Variants in SPRR2G observed in about 807,000 individuals in gnomAD.
The protein encoded by SPRR2G is small proline-rich protein 2G.
In SPRR2G, 1 loss-of-function variant was observed where a neutral mutation model predicts 0.7. The ratio of observed to expected loss-of-function variants is 1.49; its 90% confidence interval spans 0.53 to 7.06. The LOEUF is 7.06. Among genes scored for constraint, SPRR2G ranks in the 30% most tolerant of loss-of-function variants. The probability of loss-of-function intolerance (pLI) is 0.14; values close to 1 mark genes in which losing one functional copy is unlikely to be tolerated. For missense variants in SPRR2G, 96 were observed against 88.5 expected (o/e 1.09, Z -0.34); for synonymous variants, 38 against 33.9 (o/e 1.12, Z -0.42).
At chr1:153,198,400 G>A in the SPRR2G span, among the ~76,000 whole-genome samples, 1 of 152,158 alleles carries the variant, frequency 6.6e-6, no homozygotes, top group Non-Finnish European at 1.5e-5. Flanking sequence ...TTGAATTAGT[G>A]GTGAGACTCT....
At chr1:153,191,481 A>G in the SPRR2G span, 4 of 152,226 alleles carry the variant, frequency 2.6e-5, no homozygotes, top group African/African-American at 9.7e-5. Flanking sequence ...ACATCTATTG[A>G]TATTTCTTGT....
chr1:153,195,850 A>T, the SPRR2G span, among the ~76,000 whole-genome samples: 6 of 151,440 alleles, frequency 4.0e-5, no homozygotes, highest in Admixed American at 3.3e-4. Flanking sequence ...CACCCTGAGC[A>T]CCCCACAGCC....
the SPRR2G span, among the ~76,000 whole-genome samples, chr1:153,189,276 A>G: frequency 6.6e-6 from 1 of 151,876 alleles, no homozygotes; most frequent in Non-Finnish European, 1.5e-5. Context: ...TTTATTGACT[A>G]CTCTCTTTGA....
the SPRR2G span, among the ~76,000 whole-genome samples, chr1:153,161,091 TG>T: frequency 0.017 from 1,866 of 107,342 alleles, 56 homozygotes; most frequent in East Asian, 0.14. Context: ...GGGCCTGTTG[TG>T]GGGTGGGGGG....
chr1:153,182,974 TG>T, the SPRR2G span, among the ~76,000 whole-genome samples: 1 of 152,020 alleles, frequency 6.6e-6, no homozygotes, highest in Non-Finnish European at 1.5e-5. Flanking sequence ...TCTTCCACAA[TG>T]GTTAAGCTAA....
At chr1:153,185,733 A>C in the SPRR2G span, among the ~76,000 whole-genome samples, 1 of 152,016 alleles carries the variant, frequency 6.6e-6, no homozygotes, top group African/African-American at 2.4e-5. Flanking sequence ...GTCAGATCTT[A>C]GTTACTTCTT....
At chr1:153,157,529 C>T in the SPRR2G span, among the ~76,000 whole-genome samples, 1 of 152,098 alleles carries the variant, frequency 6.6e-6, no homozygotes, top group Non-Finnish European at 1.5e-5. Flanking sequence ...TTAATATACA[C>T]ATCTGGATGA....
chr1:153,168,506 T>G, the SPRR2G span, among the ~76,000 whole-genome samples: 5 of 152,186 alleles, frequency 3.3e-5, no homozygotes, highest in Admixed American at 1.3e-4. Context: ...CTGTTATTAT[T>G]TTTATCATAA....
the SPRR2G span, among the ~76,000 whole-genome samples, chr1:153,195,370 G>A: frequency 2.6e-4 from 40 of 152,296 alleles, no homozygotes; most frequent in African/African-American, 9.4e-4. Context: ...GCAAGGATTG[G>A]ACACGTGGGC....
rs747031854 is a variant in SPRR2G at position 153,149,900 on chromosome 1, T to C, written c.211A>G (p.Lys71Glu). 3.7e-6 allele frequency: 6 copies of C among 1,614,092 alleles called. No individual in the cohort carries two copies. Among genetic ancestry groups the C allele is most frequent in the Non-Finnish European group, 2.5e-6 (3 of 1,180,012 alleles). Residue 71 changes from lysine (K) to glutamate (E), a missense_variant, in exon 2 of 2, where the codon AAG (lysine) becomes GAG (glutamate). By Grantham distance (56) the Lys-to-Glu change is moderately conservative (BLOSUM62 1). Coordinates refer to ENST00000368748, the MANE Select transcript of SPRR2G (RefSeq NM_001014291.4). ...YPPCQQKYPP[K>E]SK is the part of the protein sequence containing the mutation. ...GAATTCTAGTGATGTTACTTGCTCT[T>C]GGGTGGATACTTCTGCTGGCAGGGT...
chr1:153,162,718 C>T, the SPRR2G span, among the ~76,000 whole-genome samples: 1 of 152,156 alleles, frequency 6.6e-6, no homozygotes, highest in African/African-American at 2.4e-5. Flanking sequence ...AGACTTCCAG[C>T]TCATATCAGA....
chr1:153,166,712 A>T, the SPRR2G span, among the ~76,000 whole-genome samples: 1 of 152,202 alleles, frequency 6.6e-6, no homozygotes, highest in Non-Finnish European at 1.5e-5. Flanking sequence ...CTCCCATATT[A>T]GCCCACATTA....
chr1:153,183,067 TC>T, the SPRR2G span, among the ~76,000 whole-genome samples: 1 of 150,676 alleles, frequency 6.6e-6, no homozygotes, highest in Non-Finnish European at 1.5e-5. Context: ...ACTTTTTTTT[TC>T]TTTTTTTTTT....
At chr1:153,200,795 G>A in the SPRR2G span, among the ~76,000 whole-genome samples, 1 of 151,646 alleles carries the variant, frequency 6.6e-6, no homozygotes, top group East Asian at 1.9e-4. Context: ...TGCCTCCCAG[G>A]TTCAAGCGAT....
At chr1:153,182,905 T>C in the SPRR2G span, among the ~76,000 whole-genome samples, 1 of 152,114 alleles carries the variant, frequency 6.6e-6, no homozygotes. Flanking sequence ...ATACCAGTAA[T>C]GGGATTGCTG....
chr1:153,197,734 G>A, the SPRR2G span, among the ~76,000 whole-genome samples: 1 of 152,002 alleles, frequency 6.6e-6, no homozygotes, highest in Non-Finnish European at 1.5e-5. Context: ...GCAGGGTGGG[G>A]GTCCAGAGCA....
the SPRR2G span, among the ~76,000 whole-genome samples, chr1:153,197,707 G>A: frequency 6.6e-6 from 1 of 152,238 alleles, no homozygotes; most frequent in East Asian, 1.9e-4. Flanking sequence ...GTTCAGAGAT[G>A]GTATCTCTTA....
chr1:153,198,601 C>A, the SPRR2G span, among the ~76,000 whole-genome samples: 1 of 151,976 alleles, frequency 6.6e-6, no homozygotes, highest in Admixed American at 6.6e-5. Flanking sequence ...GAGTAGGAAG[C>A]AAGAGTCTGG....
At chr1:153,192,471 C>G in the SPRR2G span, among the ~76,000 whole-genome samples, 10 of 152,192 alleles carry the variant, frequency 6.6e-5, no homozygotes, top group East Asian at 1.4e-3. Context: ...ATTTCAAGAA[C>G]AATCAAGAGT....
Sources: allele counts gnomAD v4.1 joint callset (sites outside exome capture counted in the v4.1 genomes callset), GRCh38; gene constraint gnomAD v4.1.1; transcripts MANE v1.5; gene names NCBI Gene and HGNC (gene_info 2026-07-23, HGNC 2026-07-21).